CFAP61: variants seen among roughly 807,000 people sequenced by gnomAD.
CFAP61 encodes the protein cilia and flagella associated protein 61.
Under a neutral mutation model 135.6 loss-of-function variants are expected in CFAP61, and 107 were observed. The observed-to-expected ratio is 0.79, with a 90% CI of 0.67 to 0.93. The LOEUF is 0.93. CFAP61 is among the 40% of genes least tolerant of loss of function. The pLI, the probability that CFAP61 is intolerant of heterozygous loss-of-function variation, is 0.00. For missense variants in CFAP61, 1,507 were observed against 1,556.2 expected (o/e 0.97, Z 0.53); for synonymous variants, 575 against 578.5 (o/e 0.99, Z 0.09).
intron 22 of CFAP61, among the ~76,000 whole-genome samples, chr20:20,282,091 T>A (rs1486893494): frequency 6.6e-6 from 1 of 152,222 alleles, no homozygotes; most frequent in Non-Finnish European, 1.5e-5. Context: ...GTCTAGGATC[T>A]GTAGTAATAA....
intron 19 of CFAP61, 48 bp downstream of exon 19, chr20:20,246,263 C>A (rs918771969): frequency 2.4e-5 from 27 of 1,124,448 alleles, no homozygotes; most frequent in Non-Finnish European, 3.4e-5. Flanking sequence ...ATGTCCTACT[C>A]TGTGTGCAGT....
chr20:20,240,094 A>G (rs1373985210), intron 18 of CFAP61, among the ~76,000 whole-genome samples: 1 of 152,194 alleles, frequency 6.6e-6, no homozygotes, highest in Middle Eastern at 3.2e-3. Context: ...TGAGGCGACC[A>G]AGAGCTTTGT....
intron 3 of CFAP61, 151 bp downstream of exon 3, chr20:20,071,155 G>T: frequency 1.2e-6 from 1 of 818,060 alleles, no homozygotes; most frequent in Non-Finnish European, 1.9e-6. Flanking sequence ...GGAAAAGAGG[G>T]CTGAGAGTAG....
intron 24 of CFAP61, among the ~76,000 whole-genome samples, chr20:20,296,051 CT>C (rs1569258555): frequency 1.5e-4 from 5 of 34,402 alleles, no homozygotes; most frequent in East Asian, 1.1e-3. Flanking sequence ...CCCTCCCTTC[CT>C]TCCCTTCCTT....
chr20:20,340,817 G>A (rs868468517), intron 25 of CFAP61, among the ~76,000 whole-genome samples: 6 of 152,148 alleles, frequency 3.9e-5, no homozygotes, highest in Non-Finnish European at 8.8e-5. Flanking sequence ...AGCAACGCGG[G>A]CAAGTCAGCA....
chr20:20,346,411 G>A (rs376238454), intron 26 of CFAP61, among the ~76,000 whole-genome samples: 6 of 151,176 alleles, frequency 4.0e-5, no homozygotes, highest in Admixed American at 3.3e-4. Context: ...CCAGCTACCC[G>A]GGAGGCTGAG....
intron 18 of CFAP61, among the ~76,000 whole-genome samples, chr20:20,240,046 T>C (rs2049902525): frequency 6.6e-6 from 1 of 152,110 alleles, no homozygotes; most frequent in Admixed American, 6.5e-5. Flanking sequence ...AGGTGGTTAG[T>C]TGGCCAAAGC....
intron 19 of CFAP61, among the ~76,000 whole-genome samples, chr20:20,250,842 G>C (rs981242849): frequency 6.6e-6 from 1 of 152,124 alleles, no homozygotes; most frequent in Non-Finnish European, 1.5e-5. Context: ...ATCATACTAC[G>C]TGAAAGCGCT....
intron 22 of CFAP61, among the ~76,000 whole-genome samples, chr20:20,278,968 A>G (rs1376601691): frequency 6.6e-6 from 1 of 152,236 alleles, no homozygotes; most frequent in African/African-American, 2.4e-5. Context: ...GATACTGTCT[A>G]TACATGTATG....
intron 8 of CFAP61, among the ~76,000 whole-genome samples, chr20:20,124,270 G>T (rs1211758038): frequency 2.6e-5 from 4 of 151,540 alleles, no homozygotes; most frequent in African/African-American, 9.8e-5. Flanking sequence ...GACTTCCAGT[G>T]CTATGTTGAA....
At chr20:20,098,345 C>T (rs1383180663) in intron 7 of CFAP61, among the ~76,000 whole-genome samples, 1 of 151,882 alleles carries the variant, frequency 6.6e-6, no homozygotes, top group Non-Finnish European at 1.5e-5. Context: ...TGTGGTGGCT[C>T]ATGCCTGTAA....
intron 6 of CFAP61, among the ~76,000 whole-genome samples, chr20:20,082,814 A>G (rs1391090825): frequency 6.6e-6 from 1 of 152,098 alleles, no homozygotes; most frequent in African/African-American, 2.4e-5. Flanking sequence ...TCCTGCAAGG[A>G]TGGCCATAAT....
intron 20 of CFAP61, among the ~76,000 whole-genome samples, chr20:20,252,593 T>C (rs751538028): frequency 3.3e-5 from 5 of 152,234 alleles, no homozygotes; most frequent in African/African-American, 4.8e-5. Context: ...CTTTAGTGTT[T>C]GTATATTTTA....
At chr20:20,273,739 G>T (rs1012781862) in intron 21 of CFAP61, among the ~76,000 whole-genome samples, 1 of 152,172 alleles carries the variant, frequency 6.6e-6, no homozygotes, top group Non-Finnish European at 1.5e-5. Context: ...AAGTCATCTC[G>T]CTGCGAAGCC....
At chr20:20,071,124 A>T (rs1455207117) in intron 3 of CFAP61, 120 bp downstream of exon 3, 7 of 1,008,414 alleles carry the variant, frequency 6.9e-6, no homozygotes, top group Non-Finnish European at 1.0e-5. Context: ...GACAGTTAAA[A>T]GTGAAGGGAG....
chr20:20,071,296 C>T (rs1051289245), intron 3 of CFAP61, among the ~76,000 whole-genome samples: 11 of 152,112 alleles, frequency 7.2e-5, no homozygotes, highest in African/African-American at 2.4e-4. Flanking sequence ...CCAGGTCTCA[C>T]GTTGTTCTCC....
intron 4 of CFAP61, 85 bp from the exon 5 acceptor site, chr20:20,075,104 T>C (rs1469854615): frequency 2.3e-6 from 3 of 1,283,312 alleles, no homozygotes; most frequent in South Asian, 1.2e-5. Flanking sequence ...CTCACCTTTT[T>C]AGTGACAGCA....
chr20:20,137,398 G>A (rs193292434), intron 8 of CFAP61, among the ~76,000 whole-genome samples: 22 of 152,294 alleles, frequency 1.4e-4, no homozygotes, highest in African/African-American at 3.6e-4. Flanking sequence ...GCCAGGAGTA[G>A]GAAACCTTAG....
chr20:20,097,924 G>A (rs527357276), intron 7 of CFAP61, among the ~76,000 whole-genome samples: 23 of 152,316 alleles, frequency 1.5e-4, no homozygotes, highest in Non-Finnish European at 3.1e-4. Flanking sequence ...GGGCTGATCA[G>A]ATGGGCACTG....
Sources: gnomAD v4.1 joint callset for allele counts (sites outside exome capture counted in the v4.1 genomes callset) on GRCh38, gnomAD v4.1.1 for gene constraint, MANE v1.5 for transcripts, NCBI Gene and HGNC (gene_info 2026-07-23, HGNC 2026-07-21) for gene names.